Variants in XPR1 observed in about 807,000 individuals in gnomAD.
XPR1 encodes the protein xenotropic and polytropic retrovirus receptor 1.
Under a neutral mutation model 87.5 loss-of-function variants are expected in XPR1, and 28 were observed. That is an observed-to-expected ratio of 0.32 (90% CI 0.24 to 0.44). The LOEUF (loss-of-function observed/expected upper bound fraction) is 0.44, where lower values mean the gene tolerates loss of function less well. XPR1 is among the 20% of genes least tolerant of loss of function. The pLI is 1.00. For missense variants in XPR1, 559 were observed against 862.3 expected, an observed-to-expected ratio of 0.65 and a Z score of 4.41; for synonymous variants, 300 against 306.1, an observed-to-expected ratio of 0.98 and a Z score of 0.21.
At chr1:180,749,019 C>T (rs921424799) in intron 2 of XPR1, among the ~76,000 whole-genome samples, 3 of 152,170 alleles carry the variant, frequency 2.0e-5, no homozygotes, top group Non-Finnish European at 2.9e-5. Context: ...GGTAATATAG[C>T]GAGACCTTGT....
At chr1:180,660,943 G>A (rs1230070721) in intron 1 of XPR1, among the ~76,000 whole-genome samples, 2 of 152,148 alleles carry the variant, frequency 1.3e-5, no homozygotes, top group Non-Finnish European at 2.9e-5. Flanking sequence ...TGAAAGTGGG[G>A]TGTTGAGATC....
chr1:180,861,095 C>A (rs984141013), intron 11 of XPR1, among the ~76,000 whole-genome samples: 6 of 152,110 alleles, frequency 3.9e-5, no homozygotes, highest in African/African-American at 1.4e-4. Flanking sequence ...CACCTATACT[C>A]ACTTGAGAAA....
chr1:180,874,877 T>C (rs1451813252), intron 13 of XPR1, among the ~76,000 whole-genome samples: 1 of 152,182 alleles, frequency 6.6e-6, no homozygotes, highest in Non-Finnish European at 1.5e-5. Flanking sequence ...CCTAATAAAA[T>C]GCCTTAAAAT....
At chr1:180,695,434 GTGTGTGTATGCGCGCGCACGCGCGCGC>G (rs1186247020) in intron 2 of XPR1, among the ~76,000 whole-genome samples, 1 of 150,874 alleles carries the variant, frequency 6.6e-6, no homozygotes, top group East Asian at 2.3e-4. Context: ...GTGTGTGTGT[GTGTGTGTATGCGCGCGCACGCGCGCGC>G]TTTTGTTGCC....
chr1:180,809,073 A>C (rs1240324033), intron 6 of XPR1, among the ~76,000 whole-genome samples: 1 of 152,226 alleles, frequency 6.6e-6, no homozygotes, highest in Non-Finnish European at 1.5e-5. Flanking sequence ...AACACTACTT[A>C]GCAATAAAAA....
chr1:180,665,336 A>C (rs1286245067), intron 1 of XPR1, among the ~76,000 whole-genome samples: 1 of 152,120 alleles, frequency 6.6e-6, no homozygotes, highest in Admixed American at 6.5e-5. Flanking sequence ...GGATTATGGG[A>C]ATTTCAATTC....
In XPR1 at chr1:180,836,505, C is replaced by A. The variant is rs766866536; in HGVS notation, c.1307-17C>A. 5.4e-5 allele frequency: 87 copies of A among 1,613,092 alleles called. No individual in the cohort carries two copies. Among genetic ancestry groups the A allele is most frequent in the Non-Finnish European group, 6.9e-5 (81 of 1,179,810 alleles). ...CTTTTTTTCAATGGTAATTTTTCTT[C>A]TTTGAAATCTTCACAGAATCAGGAA... On this transcript the variant is annotated splice_polypyrimidine_tract_variant and intron_variant, in intron 10 of 14. Coordinates refer to ENST00000367590, the MANE Select transcript of XPR1 (RefSeq NM_004736.4).
intron 1 of XPR1, among the ~76,000 whole-genome samples, chr1:180,641,531 C>G (rs1023094405): frequency 6.6e-6 from 1 of 152,058 alleles, no homozygotes; most frequent in African/African-American, 2.4e-5. Flanking sequence ...AGTTAGTTCT[C>G]TTGTAACTTG....
At position 180,886,241 on chromosome 1, in the gene XPR1, C is replaced by A. The variant is rs1444023545; in HGVS notation, c.*2175C>A. On this transcript the variant is annotated 3_prime_UTR_variant, in exon 15 of 15. Coordinates refer to ENST00000367590, the MANE Select transcript of XPR1 (RefSeq NM_004736.4). ...TACTTTAAAACTATGGGGGAAATAT[C>A]ACTGGTCTGTCAAGAAACAGCAGTA... The A allele has an allele frequency of 6.6e-6, 1 of 152,120 alleles. No homozygotes were observed. The highest frequency in any genetic ancestry group is 1.9e-4 in the East Asian group (1 of 5,206). 9.4% of individuals were successfully genotyped at this position (152,120 alleles called of 1,614,324 possible).
At chr1:180,656,884 G>A (rs2101912112) in intron 1 of XPR1, among the ~76,000 whole-genome samples, 1 of 151,366 alleles carries the variant, frequency 6.6e-6, no homozygotes, top group African/African-American at 2.4e-5. Context: ...TTATATGGTA[G>A]TTATATTTTT....
At chr1:180,663,068 A>G (rs942870701) in intron 1 of XPR1, among the ~76,000 whole-genome samples, 4 of 152,116 alleles carry the variant, frequency 2.6e-5, no homozygotes, top group African/African-American at 9.7e-5. Context: ...TTTCCTCAAA[A>G]CAGCTGGTTT....
rs540917877 is a variant in XPR1, at chr1:180,636,420, GTGAA to G, written c.69+4157_69+4160del. Among the ~76,000 whole-genome samples the G allele has an allele frequency of 1.1e-4, 16 of 152,370 alleles. No homozygotes were observed. The South Asian group carries it at 3.3e-3, about 32-fold the overall frequency. On this transcript the variant is annotated intron_variant, in intron 1 of 14. Transcript: ENST00000367590. ...GCATTTACAAATGTTTCTTAAGTGA[GTGAA>G]TGAATGTTGTAAAGACAGGAAGCTA...
intron 3 of XPR1, among the ~76,000 whole-genome samples, chr1:180,793,493 G>C (rs568848448): frequency 1.9e-5 from 2 of 105,252 alleles, no homozygotes; most frequent in Non-Finnish European, 5.1e-5. Flanking sequence ...CTTTGCTCAT[G>C]TGTGTGTTAA....
At chr1:180,652,188 A>G (rs576879888) in intron 1 of XPR1, among the ~76,000 whole-genome samples, 1 of 152,288 alleles carries the variant, frequency 6.6e-6, no homozygotes, top group East Asian at 1.9e-4. Flanking sequence ...GCTACTTGGG[A>G]GGCTGAGGCA....
chr1:180,656,456 T>TATATATA (rs1334113687), intron 1 of XPR1, among the ~76,000 whole-genome samples: 12 of 3,348 alleles, frequency 3.6e-3, no homozygotes, highest in Admixed American at 6.3e-3. Flanking sequence ...TATTTATATA[T>TATATATA]TTATATATAA....
intron 14 of XPR1, among the ~76,000 whole-genome samples, chr1:180,882,129 A>G (rs879652571): frequency 2.0e-5 from 3 of 152,144 alleles, no homozygotes; most frequent in Non-Finnish European, 2.9e-5. Context: ...AACATATACT[A>G]TTTCTGCTTA....
chr1:180,812,531 C>T (rs1650255524), intron 7 of XPR1, among the ~76,000 whole-genome samples: 1 of 152,146 alleles, frequency 6.6e-6, no homozygotes, highest in South Asian at 2.1e-4. Flanking sequence ...TTCTCTTGTC[C>T]CTCATATTTA....
At chr1:180,696,152 A>G (rs1457535106) in intron 2 of XPR1, among the ~76,000 whole-genome samples, 1 of 140,752 alleles carries the variant, frequency 7.1e-6, no homozygotes, top group Non-Finnish European at 1.5e-5. Flanking sequence ...CTCCTTCGTT[A>G]AATTTATTCC....
intron 14 of XPR1, among the ~76,000 whole-genome samples, chr1:180,883,698 ACT>A (rs368055353): frequency 1.1e-5 from 1 of 94,380 alleles, no homozygotes; most frequent in African/African-American, 4.4e-5. Context: ...ACAGAGCGAG[ACT>A]CTGTCTCAAA....
Sources: gnomAD v4.1 joint callset for allele counts (sites outside exome capture counted in the v4.1 genomes callset) on GRCh38, gnomAD v4.1.1 for gene constraint, MANE v1.5 for transcripts, NCBI Gene and HGNC (gene_info 2026-07-23, HGNC 2026-07-21) for gene names.